The following GALNT2 variants were observed in gnomAD, a reference collection of about 807,000 sequenced individuals.
GALNT2 encodes the protein UDP-GalNAc:polypeptide N-acetylgalactosaminyltransferase 2.
In GALNT2, 31 loss-of-function variants were observed where a neutral mutation model predicts 81.4. That is an observed-to-expected ratio of 0.38 (90% CI 0.29 to 0.51). GALNT2 has a LOEUF of 0.51. GALNT2 is among the 20% of genes least tolerant of loss of function. The pLI is 0.87. For synonymous variants in GALNT2, 303 were observed against 287.4 expected (o/e 1.05, Z -0.55); for missense variants, 629 against 765.7 (o/e 0.82, Z 2.11).
chr1:230,178,143 C>T (rs556083906), intron 1 of GALNT2, 75 bp from the exon 2 acceptor site: 6 of 1,169,330 alleles, frequency 5.1e-6, no homozygotes, highest in East Asian at 2.4e-5. Flanking sequence ...TCCTAAGACT[C>T]GGTATGTATT....
chr1:230,065,108 C>A (rs1174260175), upstream of GALNT2, among the ~76,000 whole-genome samples: 1 of 152,062 alleles, frequency 6.6e-6, no homozygotes, highest in African/African-American at 2.4e-5. Context: ...AATGTTTGTA[C>A]TTTAGGGACT....
intron 1 of GALNT2, among the ~76,000 whole-genome samples, chr1:230,095,850 G>T (rs774374284): frequency 5.9e-5 from 9 of 152,224 alleles, no homozygotes; most frequent in Non-Finnish European, 1.2e-4. Flanking sequence ...GTGTGGGGTT[G>T]CCTGGAGGGT....
chr1:230,184,230 C>T (rs1226344536), intron 2 of GALNT2, among the ~76,000 whole-genome samples: 2 of 151,348 alleles, frequency 1.3e-5, no homozygotes, highest in African/African-American at 4.9e-5. Flanking sequence ...GCTCTATTAC[C>T]CAGGCTAGAG....
chr1:230,151,854 C>T (rs1382117575), intron 1 of GALNT2, among the ~76,000 whole-genome samples: 2 of 152,216 alleles, frequency 1.3e-5, no homozygotes, highest in Admixed American at 6.5e-5. Flanking sequence ...GCTGGTCGCC[C>T]ATTTCTATGG....
intron 15 of GALNT2, among the ~76,000 whole-genome samples, chr1:230,276,464 A>G (rs1572167440): frequency 1.3e-5 from 2 of 152,302 alleles, no homozygotes; most frequent in East Asian, 3.9e-4. Context: ...GCCAGCTTCT[A>G]GTCTAACCCT....
chr1:230,078,996 C>T (rs772552977), intron 1 of GALNT2, among the ~76,000 whole-genome samples: 11 of 152,120 alleles, frequency 7.2e-5, no homozygotes, highest in Non-Finnish European at 1.3e-4. Flanking sequence ...ATCTTGACTA[C>T]ACCCTTCTCA....
chr1:230,171,522 A>T (rs928700737), intron 1 of GALNT2, among the ~76,000 whole-genome samples: 1 of 152,222 alleles, frequency 6.6e-6, no homozygotes, highest in Non-Finnish European at 1.5e-5. Context: ...CGGTAATTTA[A>T]TCTGCCTCTG....
chr1:230,058,149 G>A (rs1424911991), intron 1 of GALNT2: 2 of 455,444 alleles, frequency 4.4e-6, no homozygotes, highest in African/African-American at 2.0e-5. Context: ...CTTTAACCAT[G>A]AGTCTCCTTT....
At chr1:230,150,991 C>T (rs991637779) in intron 1 of GALNT2, among the ~76,000 whole-genome samples, 5 of 152,192 alleles carry the variant, frequency 3.3e-5, no homozygotes, top group South Asian at 2.1e-4. Flanking sequence ...CTGGTGCACC[C>T]GGCATGCAGG....
chr1:230,077,484 C>G (rs1659599062), intron 1 of GALNT2, among the ~76,000 whole-genome samples: 1 of 152,200 alleles, frequency 6.6e-6, no homozygotes, highest in African/African-American at 2.4e-5. Context: ...ACCTGTGACA[C>G]AACGGGTTCT....
rs558265368 is a variant in GALNT2, at chr1:230,237,859, A to G, written c.607+1134A>G. 4.7e-5 allele frequency among the ~76,000 whole-genome samples: 7 copies of G among 149,176 alleles called. No individual in the cohort carries two copies. In the South Asian group the frequency reaches 1.5e-3, roughly 31 times the overall value. On this transcript the variant is annotated intron_variant, in intron 6 of 15. Coordinates refer to ENST00000366672, the MANE Select transcript of GALNT2 (RefSeq NM_004481.5). ...ACAGGCTTTAAAAAAAAAAAAAAAG[A>G]GAAGTGGGGAAGGAGGAAAGAGAGA...
chr1:230,247,452 A>G (rs1217420283), intron 8 of GALNT2, among the ~76,000 whole-genome samples: 1 of 152,164 alleles, frequency 6.6e-6, no homozygotes, highest in East Asian at 1.9e-4. Flanking sequence ...ATTAGACATC[A>G]GCGGGAGGGC....
At chr1:230,153,655 GTTCTT>G (rs1226520886) in intron 1 of GALNT2, among the ~76,000 whole-genome samples, 2 of 152,172 alleles carry the variant, frequency 1.3e-5, no homozygotes, top group Non-Finnish European at 2.9e-5. Context: ...ACGCCCCTGA[GTTCTT>G]TTCATGATTC....
chr1:230,175,839 C>T (rs1662962378), intron 1 of GALNT2, among the ~76,000 whole-genome samples: 1 of 151,766 alleles, frequency 6.6e-6, no homozygotes, highest in Non-Finnish European at 1.5e-5. Context: ...TTTTGAGAAT[C>T]AGGCTCTTAT....
chr1:230,120,858 C>T lies in GALNT2; in HGVS notation c.126+53452C>T, dbSNP rs564429941. Reference sequence around the variant, plus strand: ...GGCTAGATCATGTTGGCACTGCTTCCACCCCTTGGATAAAATAAAATTCCC... The same window carrying T: ...GGCTAGATCATGTTGGCACTGCTTCTACCCCTTGGATAAAATAAAATTCCC... On this transcript the variant is annotated intron_variant, in intron 1 of 15. Coordinates refer to ENST00000366672, the MANE Select transcript of GALNT2 (RefSeq NM_004481.5). 3.3e-5 allele frequency among the ~76,000 whole-genome samples: 5 copies of T among 152,318 alleles called. No homozygotes were observed. The East Asian group carries it at 9.6e-4, about 29-fold the overall frequency.
chr1:230,214,150 T>G (rs1452156754), intron 3 of GALNT2, among the ~76,000 whole-genome samples: 1 of 151,540 alleles, frequency 6.6e-6, no homozygotes, highest in Non-Finnish European at 1.5e-5. Context: ...CTCGCTCATG[T>G]TGCCCAGGCT....
At chr1:230,262,880 T>C (rs1665920921) in intron 12 of GALNT2, 42 bp from the exon 13 acceptor site, 2 of 1,574,532 alleles carry the variant, frequency 1.3e-6, no homozygotes, top group Admixed American at 3.3e-5. Context: ...AGCCCATCTA[T>C]TCTTAAAATT....
intron 2 of GALNT2, among the ~76,000 whole-genome samples, chr1:230,191,874 AAC>A (rs1162299054): frequency 6.6e-6 from 1 of 152,226 alleles, no homozygotes; most frequent in Non-Finnish European, 1.5e-5. Flanking sequence ...TGTCCAGTGA[AAC>A]AGCTGCCTTT....
intron 3 of GALNT2, among the ~76,000 whole-genome samples, chr1:230,217,355 T>G (rs1235881902): frequency 6.6e-6 from 1 of 152,082 alleles, no homozygotes; most frequent in Non-Finnish European, 1.5e-5. Flanking sequence ...AGAGTTCTCA[T>G]CAGGGGAGGT....
Sources: gnomAD v4.1 joint callset for allele counts (sites outside exome capture counted in the v4.1 genomes callset) on GRCh38, gnomAD v4.1.1 for gene constraint, MANE v1.5 for transcripts, NCBI Gene and HGNC (gene_info 2026-07-23, HGNC 2026-07-21) for gene names.